FREM2: variants seen among roughly 807,000 people sequenced by gnomAD.
The protein encoded by FREM2 is FRAS1-related extracellular matrix protein 2.
FREM2 carries 119 observed loss-of-function variants against 219.9 expected under a neutral mutation model. That is an observed-to-expected ratio of 0.54 (90% CI 0.47 to 0.63). The LOEUF is 0.63. FREM2 is among the 30% of genes least tolerant of loss of function. FREM2 has a pLI of 0.00. For missense variants in FREM2, 4,030 were observed against 3,993.6 expected, an observed-to-expected ratio of 1.01 and a Z score of -0.25; for synonymous variants, 1,562 against 1,522.8, an observed-to-expected ratio of 1.03 and a Z score of -0.60.
At chr13:38,782,567 C>T (rs1233958783) in intron 4 of FREM2, among the ~76,000 whole-genome samples, 1 of 152,158 alleles carries the variant, frequency 6.6e-6, no homozygotes, top group African/African-American at 2.4e-5. Flanking sequence ...AAAGAACTCA[C>T]TTTGGATGAA....
chr13:38,759,815 T>TTTATGTTAAA (rs1246798328), intron 2 of FREM2, among the ~76,000 whole-genome samples: 17 of 152,266 alleles, frequency 1.1e-4, no homozygotes, highest in Admixed American at 9.2e-4. Flanking sequence ...TTTGTTAAAG[T>TTTATGTTAAA]GCCAATGTTT....
At chr13:38,798,311 C>A (rs116897807) in intron 6 of FREM2, among the ~76,000 whole-genome samples, 1,621 of 151,978 alleles carry the variant, frequency 0.011, 10 homozygotes, top group Non-Finnish European at 0.016. Context: ...TCCTTGCAAC[C>A]CTGTTTTAAA....
At chr13:38,833,496 A>C (rs537782533) in intron 6 of FREM2, among the ~76,000 whole-genome samples, 11 of 152,038 alleles carry the variant, frequency 7.2e-5, no homozygotes, top group Non-Finnish European at 1.5e-4. Context: ...TGAGCAACCA[A>C]GTTTGTTCTC....
At chr13:38,694,443 A>G (rs1870021145) in intron 1 of FREM2, among the ~76,000 whole-genome samples, 1 of 152,234 alleles carries the variant, frequency 6.6e-6, no homozygotes, top group South Asian at 2.1e-4. Flanking sequence ...AGATTAGATA[A>G]GTGATTTAAA....
intron 6 of FREM2, among the ~76,000 whole-genome samples, chr13:38,823,892 G>A (rs1308244733): frequency 3.3e-5 from 5 of 151,994 alleles, no homozygotes; most frequent in Non-Finnish European, 7.4e-5. Flanking sequence ...ATTCTTCAAC[G>A]ATAAAGACAA....
chr13:38,781,940 C>A (rs969660016), intron 4 of FREM2, among the ~76,000 whole-genome samples: 1 of 152,108 alleles, frequency 6.6e-6, no homozygotes, highest in South Asian at 2.1e-4. Flanking sequence ...CTCTGGAAAC[C>A]CTGAGGGAAA....
In FREM2 at chr13:38,848,442, T is replaced by A; in HGVS notation, c.6170-19T>A. 6.3e-7 allele frequency: 1 copy of A among 1,582,464 alleles called. No homozygotes were observed. Among genetic ancestry groups the A allele is most frequent in the South Asian group, 1.1e-5 (1 of 90,438 alleles). On this transcript the variant is annotated intron_variant, in intron 7 of 23. Coordinates refer to ENST00000280481, the MANE Select transcript of FREM2 (RefSeq NM_207361.6). The stretch of plus-strand genomic sequence containing the variant: ...ATTTAATTAGTCCCCAACTGAATAT[T>A]TTTTTGTTACTGTCATAGCTGGAAC...
At chr13:38,744,675 A>G (rs1486991069) in intron 2 of FREM2, among the ~76,000 whole-genome samples, 5 of 152,084 alleles carry the variant, frequency 3.3e-5, no homozygotes, top group Admixed American at 3.3e-4. Context: ...TATTTTTAGT[A>G]GAGGCAGGGT....
At chr13:38,867,193 A>T (rs1032625727) in intron 16 of FREM2, among the ~76,000 whole-genome samples, 1 of 152,368 alleles carries the variant, frequency 6.6e-6, no homozygotes, top group Admixed American at 6.5e-5. Context: ...CTTATGTTCC[A>T]TAATACTAGA....
At position 38,691,244 on chromosome 13, in the gene FREM2, T is replaced by C. The variant is rs532675606; in HGVS notation, c.3900T>C (p.Asp1300=). ...KTVLIIVIPV[D]DETPRMTINN... ...TCCTCATTATAGTTATCCCTGTTGATGATGAGACGCCCAGAATGACTATCA... is the reference window on the plus strand; with the variant it reads ...TCCTCATTATAGTTATCCCTGTTGACGATGAGACGCCCAGAATGACTATCA... Residue 1300 remains aspartate, a synonymous_variant, in exon 1 of 24, where the codon GAT becomes GAC. Coordinates refer to ENST00000280481, the MANE Select transcript of FREM2 (RefSeq NM_207361.6). The C allele has an allele frequency of 4.7e-5, 76 of 1,613,954 alleles. 1 individual carries two copies. In the South Asian group the frequency reaches 7.8e-4, roughly 17 times the overall value.
intron 2 of FREM2, among the ~76,000 whole-genome samples, chr13:38,713,644 G>A (rs975815122): frequency 2.0e-5 from 3 of 152,102 alleles, no homozygotes; most frequent in African/African-American, 7.2e-5. Flanking sequence ...TTCACCTATG[G>A]TGCTTATTTC....
chr13:38,815,865 A>T (rs1875744188), intron 6 of FREM2, among the ~76,000 whole-genome samples: 1 of 152,208 alleles, frequency 6.6e-6, no homozygotes, highest in Admixed American at 6.5e-5. Flanking sequence ...TAATCTATTT[A>T]TGAGGGATCT....
At chr13:38,769,162 G>A (rs957270931) in intron 3 of FREM2, among the ~76,000 whole-genome samples, 2 of 152,002 alleles carry the variant, frequency 1.3e-5, no homozygotes, top group African/African-American at 4.8e-5. Flanking sequence ...TTTCTTATTG[G>A]CTTATATTTT....
rs368600284 is a variant in FREM2, at chr13:38,881,935, A to C, written c.*1148A>C. The C allele has an allele frequency of 6.6e-6, 1 of 152,126 alleles. No individual in the cohort carries two copies. Among genetic ancestry groups the C allele is most frequent in the East Asian group, 1.9e-4 (1 of 5,192 alleles). 9.4% of individuals were successfully genotyped at this position (152,126 alleles called of 1,614,324 possible). On this transcript the variant is annotated 3_prime_UTR_variant, in exon 24 of 24. Coordinates refer to ENST00000280481, the MANE Select transcript of FREM2 (RefSeq NM_207361.6). ...CCAAACGATGGGACTCTCTGCAACTATCATTCCAGAAATGGTCTTGGAGGT... is the reference window on the plus strand; with the variant it reads ...CCAAACGATGGGACTCTCTGCAACTCTCATTCCAGAAATGGTCTTGGAGGT...
At chr13:38,796,605 AATAT>A (rs1874794882) in intron 6 of FREM2, among the ~76,000 whole-genome samples, 1 of 152,002 alleles carries the variant, frequency 6.6e-6, no homozygotes, top group African/African-American at 2.4e-5. Context: ...CAGTTCTGTG[AATAT>A]AATGCACTTG....
In FREM2 at chr13:38,692,387, C is replaced by G. The variant is rs780610958; in HGVS notation, c.5043C>G (p.Ser1681Arg). The G allele has an allele frequency of 6.2e-7, 1 of 1,609,282 alleles. No homozygotes were observed. Among genetic ancestry groups the G allele is most frequent in the Non-Finnish European group, 8.5e-7 (1 of 1,177,008 alleles). The change falls in exon 1 of 24, where the codon AGC becomes AGG. Residue 1681 changes from serine to arginine, a missense_variant. This residue lies in a region of FREM2 where 3,102 missense variants were observed against 2,950.7 expected (regional missense o/e 1.05). Coordinates refer to ENST00000280481, the MANE Select transcript of FREM2 (RefSeq NM_207361.6). The stretch of plus-strand genomic sequence containing the variant: ...GCCACTTGGGGTTCATGATCACAAG[C>G]AAAATATTGAAAGTGGAGGACAGAG... ...ATGHLGFMIT[S>R]KILKVEDRDS...
At chr13:38,774,466 C>T (rs1398525261) in intron 4 of FREM2, among the ~76,000 whole-genome samples, 1 of 152,024 alleles carries the variant, frequency 6.6e-6, no homozygotes, top group Non-Finnish European at 1.5e-5. Context: ...ATATAGAATG[C>T]TACGTGCTCT....
chr13:38,865,630 G>T (rs1877935487), intron 16 of FREM2, among the ~76,000 whole-genome samples: 1 of 152,198 alleles, frequency 6.6e-6, no homozygotes, highest in South Asian at 2.1e-4. Flanking sequence ...GTAAAGCTGT[G>T]GACTTTGACA....
intron 6 of FREM2, among the ~76,000 whole-genome samples, chr13:38,802,748 G>A (rs753367936): frequency 2.6e-5 from 4 of 152,202 alleles, no homozygotes; most frequent in African/African-American, 7.2e-5. Context: ...GGTACTCAGC[G>A]TAAGTTTCCT....
Sources: gnomAD v4.1 joint callset for allele counts (sites outside exome capture counted in the v4.1 genomes callset) on GRCh38, gnomAD v4.1.1 for gene constraint, gnomAD v4.1.1 regional missense constraint, MANE v1.5 for transcripts, NCBI Gene and HGNC (gene_info 2026-07-23, HGNC 2026-07-21) for gene names.